THSD7B: variants seen among roughly 807,000 people sequenced by gnomAD.
THSD7B encodes thrombospondin type-1 domain-containing protein 7B.
THSD7B carries 138 observed loss-of-function variants against 213.6 expected under a neutral mutation model. The ratio of observed to expected loss-of-function variants is 0.65; its 90% CI spans 0.56 to 0.74. The LOEUF (loss-of-function observed/expected upper bound fraction) is 0.74, where lower values mean the gene tolerates loss of function less well. Ranked by LOEUF, THSD7B falls within the 30% of genes least tolerant of loss-of-function variation. The pLI is 0.00. For synonymous variants in THSD7B, 742 were observed against 687.0 expected, an observed-to-expected ratio of 1.08 and a Z score of -1.25; for missense variants, 1,931 against 1,991.5, an observed-to-expected ratio of 0.97 and a Z score of 0.58.
intron 2 of THSD7B, among the ~76,000 whole-genome samples, chr2:136,908,563 A>C (rs895832935): frequency 6.6e-6 from 1 of 152,214 alleles, no homozygotes; most frequent in Non-Finnish European, 1.5e-5. Context: ...TAATTTGGAG[A>C]TGATCTTCCC....
At chr2:137,171,068 T>C in intron 7 of THSD7B, 130 bp downstream of exon 7, 1 of 1,039,148 alleles carries the variant, frequency 9.6e-7, no homozygotes, top group Middle Eastern at 3.2e-4. Context: ...ATATTTATGT[T>C]TACATCGAGT....
chr2:137,081,684 G>T (rs1405465052), intron 3 of THSD7B, among the ~76,000 whole-genome samples: 3 of 151,936 alleles, frequency 2.0e-5, no homozygotes, highest in Non-Finnish European at 2.9e-5. Context: ...TTTCTTTTCA[G>T]CTTTGTTCTT....
chr2:136,984,903 C>T (rs1270898859), intron 2 of THSD7B, among the ~76,000 whole-genome samples: 1 of 152,022 alleles, frequency 6.6e-6, no homozygotes, highest in Non-Finnish European at 1.5e-5. Flanking sequence ...TGAAGATCGC[C>T]CATGTATACC....
chr2:136,803,160 C>T (rs1682219869), intron 1 of THSD7B, among the ~76,000 whole-genome samples: 1 of 152,174 alleles, frequency 6.6e-6, no homozygotes, highest in South Asian at 2.1e-4. Flanking sequence ...CACCCACACA[C>T]ACACACATGC....
chr2:137,293,752 C>T (rs920253833), intron 12 of THSD7B, among the ~76,000 whole-genome samples: 1 of 152,060 alleles, frequency 6.6e-6, no homozygotes, highest in Admixed American at 6.6e-5. Context: ...ATCTATTCTC[C>T]TGTCTCCCTT....
chr2:137,621,057 A>C (rs1682510664), intron 20 of THSD7B, among the ~76,000 whole-genome samples: 1 of 152,238 alleles, frequency 6.6e-6, no homozygotes, highest in East Asian at 1.9e-4. Context: ...GCTGTCTACT[A>C]TACCACATAA....
chr2:137,111,933 C>T (rs548545556), intron 4 of THSD7B, among the ~76,000 whole-genome samples: 14 of 152,252 alleles, frequency 9.2e-5, no homozygotes, highest in African/African-American at 3.4e-4. Context: ...CCAAATGAGG[C>T]TGCTTTGAAA....
rs187489389 is a variant in THSD7B at position 137,130,379 on chromosome 2, A to T, written c.1369+15086A>T. 6.6e-4 allele frequency among the ~76,000 whole-genome samples: 100 copies of T among 151,542 alleles called. 2 individuals carry two copies. In the South Asian group the frequency reaches 0.014, roughly 22 times the overall value. ...TACTTTTCCCAAGCCTCACCTTTTT[A>T]TTATTATTATTATTATACTTTAAGT... On this transcript the variant is annotated intron_variant, in intron 5 of 27. Transcript: ENST00000409968.
At chr2:136,889,441 T>C (rs1683777276) in intron 2 of THSD7B, among the ~76,000 whole-genome samples, 1 of 152,212 alleles carries the variant, frequency 6.6e-6, no homozygotes, top group South Asian at 2.1e-4. Flanking sequence ...GTCTCCTAGA[T>C]CTACTCCTCT....
chr2:137,145,063 AT>A lies in THSD7B; in HGVS notation c.1370-15146del, dbSNP rs1679667114. Among the ~76,000 whole-genome samples, 4 of 152,074 alleles carry A rather than the reference AT, an allele frequency of 2.6e-5. No individual in the cohort carries two copies. The South Asian group carries it at 8.3e-4, about 32-fold the overall frequency. On this transcript the variant is annotated intron_variant, in intron 5 of 27. Coordinates refer to ENST00000409968, the MANE Select transcript of THSD7B (RefSeq NM_001316349.2). ...GCTCTGAGGAGAAAAGTAGGCTGTTATTTTCTTTAGGGTCTGGCTGGCTATT... is the reference window on the plus strand; with the variant it reads ...GCTCTGAGGAGAAAAGTAGGCTGTTATTTCTTTAGGGTCTGGCTGGCTATT...
chr2:137,045,762 T>G (rs1219098692), intron 2 of THSD7B, among the ~76,000 whole-genome samples: 3 of 152,196 alleles, frequency 2.0e-5, no homozygotes, highest in African/African-American at 7.2e-5. Context: ...TTGGGTGCTT[T>G]AGTACATTAC....
intron 7 of THSD7B, 59 bp downstream of exon 7, chr2:137,170,997 TGACCA>T: frequency 6.5e-7 from 1 of 1,533,404 alleles, no homozygotes; most frequent in African/African-American, 1.4e-5. Context: ...AAATAACACA[TGACCA>T]CCCTTCAATA....
At chr2:137,262,862 TG>T (rs1490148846) in intron 10 of THSD7B, among the ~76,000 whole-genome samples, 1 of 152,006 alleles carries the variant, frequency 6.6e-6, no homozygotes, top group Non-Finnish European at 1.5e-5. Context: ...GAGAGTAGGG[TG>T]GGGCACTAGG....
chr2:137,035,703 T>C, intron 2 of THSD7B, among the ~76,000 whole-genome samples: 1 of 152,076 alleles, frequency 6.6e-6, no homozygotes, highest in South Asian at 2.1e-4. Flanking sequence ...CCCCAGTGCT[T>C]TCTGTGTTCT....
chr2:136,947,157 G>C lies in THSD7B; in HGVS notation c.139+64840G>C, dbSNP rs12469179. Among the ~76,000 whole-genome samples, 514 of 152,162 alleles carry C rather than the reference G, an allele frequency of 3.4e-3. 2 individuals carry two copies. The highest frequency in any genetic ancestry group is 3.8e-3 in the Non-Finnish European group (259 of 67,998). On this transcript the variant is annotated intron_variant, in intron 2 of 27. Transcript: ENST00000409968. ...CAAAATCTTAATGTGATTGTATGTC[G>C]CTAAGAGAAAGTCTTTCTTCTACCA...
At chr2:137,091,707 C>G (rs1687951643) in intron 3 of THSD7B, among the ~76,000 whole-genome samples, 1 of 152,040 alleles carries the variant, frequency 6.6e-6, no homozygotes, top group Admixed American at 6.6e-5. Flanking sequence ...GGACACCAGT[C>G]ATATTGGATT....
intron 1 of THSD7B, among the ~76,000 whole-genome samples, chr2:136,779,854 G>T (rs1681706419): frequency 6.6e-6 from 1 of 152,206 alleles, no homozygotes; most frequent in Non-Finnish European, 1.5e-5. Flanking sequence ...CGCAAATAGG[G>T]TTAGTCCTAT....
chr2:137,531,129 G>A (rs1680389356), intron 15 of THSD7B, among the ~76,000 whole-genome samples: 1 of 151,844 alleles, frequency 6.6e-6, no homozygotes, highest in Admixed American at 6.6e-5. Flanking sequence ...ACTCTAGTAG[G>A]GATAATATAA....
chr2:136,843,813 T>A (rs180992851), intron 1 of THSD7B, among the ~76,000 whole-genome samples: 306 of 152,326 alleles, frequency 2.0e-3, no homozygotes, highest in African/African-American at 5.8e-3. Context: ...TGGCTGCTTC[T>A]CTGATGTGTT....
Sources: gnomAD v4.1 joint callset for allele counts (sites outside exome capture counted in the v4.1 genomes callset) on GRCh38, gnomAD v4.1.1 for gene constraint, MANE v1.5 for transcripts, NCBI Gene and HGNC (gene_info 2026-07-23, HGNC 2026-07-21) for gene names.